Variants in ADCY2 observed in about 807,000 individuals in gnomAD.
ADCY2 encodes adenylate cyclase type 2.
ADCY2 carries 31 observed loss-of-function variants against 125.2 expected under a neutral mutation model. The observed-to-expected ratio is 0.25, with a 90% confidence interval of 0.19 to 0.33. The LOEUF (loss-of-function observed/expected upper bound fraction) is 0.33, where lower values mean the gene tolerates loss of function less well. Among genes scored for constraint, ADCY2 ranks in the 10% least tolerant of loss-of-function variants. ADCY2 has a pLI of 1.00. For synonymous variants in ADCY2, 512 were observed against 548.4 expected, an observed-to-expected ratio of 0.93 and a Z score of 0.93; for missense variants, 904 against 1,418.2, an observed-to-expected ratio of 0.64 and a Z score of 5.82.
chr5:7,573,693 G>A (rs534231568), intron 3 of ADCY2, among the ~76,000 whole-genome samples: 40 of 150,300 alleles, frequency 2.7e-4, no homozygotes, highest in Admixed American at 4.6e-4. Context: ...GGTCCCGAGC[G>A]GGTAGCAAGA....
At chr5:7,525,185 T>G (rs1490539189) in intron 3 of ADCY2, among the ~76,000 whole-genome samples, 1 of 152,114 alleles carries the variant, frequency 6.6e-6, no homozygotes, top group Non-Finnish European at 1.5e-5. Context: ...TTTTTGTATT[T>G]TAGTGGAGAC....
intron 4 of ADCY2, among the ~76,000 whole-genome samples, chr5:7,687,542 C>T (rs1425386823): frequency 3.9e-5 from 6 of 152,192 alleles, no homozygotes; most frequent in African/African-American, 1.4e-4. Flanking sequence ...GGGAAGTTAG[C>T]TCATGAAAGG....
chr5:7,414,716 T>C lies in ADCY2; in HGVS notation c.354T>C (p.Val118=). 6.2e-7 allele frequency: 1 copy of C among 1,613,922 alleles called. No homozygotes were observed. The change falls in exon 2 of 25, where the codon GTT becomes GTC. Residue 118 remains valine (V), a synonymous_variant. Transcript: ENST00000338316. ...LFSLVIWICL[V]AMGYLFMCFG... is the part of the protein sequence containing the mutation. Reference sequence around the variant, plus strand: ...CGTTGGTGATATGGATATGCCTTGTTGCCATGGGATACCTGTTCATGTGTT... The same window carrying C: ...CGTTGGTGATATGGATATGCCTTGTCGCCATGGGATACCTGTTCATGTGTT...
chr5:7,644,136 A>C (rs1216413559), intron 4 of ADCY2, among the ~76,000 whole-genome samples: 4 of 152,036 alleles, frequency 2.6e-5, no homozygotes, highest in African/African-American at 9.7e-5. Flanking sequence ...TCACCACTAA[A>C]TTTCTTGAAA....
At chr5:7,619,793 A>T (rs1489932283) in intron 3 of ADCY2, among the ~76,000 whole-genome samples, 1 of 152,158 alleles carries the variant, frequency 6.6e-6, no homozygotes, top group Non-Finnish European at 1.5e-5. Flanking sequence ...TCTTCTATGG[A>T]GCCCTGAGTA....
At chr5:7,466,417 C>T (rs1056542499) in intron 2 of ADCY2, among the ~76,000 whole-genome samples, 8 of 152,174 alleles carry the variant, frequency 5.3e-5, no homozygotes, top group Non-Finnish European at 1.2e-4. Flanking sequence ...TTCAGCAGCT[C>T]TAGTGAGAAA....
intron 13 of ADCY2, among the ~76,000 whole-genome samples, chr5:7,726,403 A>G (rs1225093973): frequency 6.6e-6 from 1 of 152,164 alleles, no homozygotes; most frequent in Non-Finnish European, 1.5e-5. Context: ...AGTACAGGGA[A>G]AGCAGGGAAT....
At chr5:7,640,471 C>T (rs887222995) in intron 4 of ADCY2, among the ~76,000 whole-genome samples, 2 of 152,060 alleles carry the variant, frequency 1.3e-5, no homozygotes, top group African/African-American at 4.8e-5. Context: ...CATCAGCTGA[C>T]AGAAATGAAC....
rs866989589 is a variant in ADCY2, at chr5:7,672,645, G to A, written c.721-18046G>A. Among the ~76,000 whole-genome samples the A allele has an allele frequency of 1.2e-4, 18 of 152,152 alleles. 1 individual carries two copies. Among genetic ancestry groups the A allele is most frequent in the African/African-American group, 4.3e-4 (18 of 41,434 alleles). The stretch of plus-strand genomic sequence containing the variant: ...CTCCCGAGTAGCTGGGATTACAGGT[G>A]TGAGCTACCACTTCTGGCTGATGTT... On this transcript the variant is annotated intron_variant, in intron 4 of 24. Transcript: ENST00000338316.
intron 13 of ADCY2, among the ~76,000 whole-genome samples, chr5:7,725,615 T>G (rs548602180): frequency 2.6e-5 from 4 of 152,334 alleles, no homozygotes; most frequent in African/African-American, 9.6e-5. Flanking sequence ...CAAATATTAA[T>G]GGCTACTTAT....
At chr5:7,599,971 G>A (rs1188095639) in intron 3 of ADCY2, among the ~76,000 whole-genome samples, 2 of 152,166 alleles carry the variant, frequency 1.3e-5, no homozygotes, top group Non-Finnish European at 2.9e-5. Context: ...AGGGTGGAAA[G>A]GGAGGAAGGA....
chr5:7,501,646 T>TTCCCCC (rs1743584514), intron 2 of ADCY2, among the ~76,000 whole-genome samples: 1 of 40,526 alleles, frequency 2.5e-5, no homozygotes, highest in African/African-American at 9.9e-5. Flanking sequence ...GATTCCCCCC[T>TTCCCCC]CCCCCCCCCC....
At chr5:7,773,462 T>C (rs143733593) in intron 18 of ADCY2, among the ~76,000 whole-genome samples, 95 of 152,300 alleles carry the variant, frequency 6.2e-4, no homozygotes, top group African/African-American at 2.2e-3. Context: ...GGGTGTTTAG[T>C]GACATCCCTG....
intron 4 of ADCY2, chr5:7,684,978 T>G (rs1255345412): frequency 6.6e-6 from 1 of 152,210 alleles, no homozygotes; most frequent in African/African-American, 2.4e-5. Flanking sequence ...GCAGGCTGAC[T>G]TTCCCTCTGC....
chr5:7,650,697 G>T lies in ADCY2; in HGVS notation c.720+24381G>T, dbSNP rs191683485. On this transcript the variant is annotated intron_variant, in intron 4 of 24. Transcript: ENST00000338316. ...CTGTTTTTCTAAATGAAATAATGAG[G>T]ACAGAGTGTGAACTGTGATTTTCTC... Among the ~76,000 whole-genome samples, 8 of 152,184 alleles carry T rather than the reference G, an allele frequency of 5.3e-5. No homozygotes were observed. In the East Asian group the frequency reaches 1.5e-3, roughly 29 times the overall value.
chr5:7,657,031 T>C (rs773648150), intron 4 of ADCY2, among the ~76,000 whole-genome samples: 1 of 152,226 alleles, frequency 6.6e-6, no homozygotes, highest in Non-Finnish European at 1.5e-5. Context: ...ATTATTCATA[T>C]TGTATAAAAT....
intron 22 of ADCY2, among the ~76,000 whole-genome samples, chr5:7,809,239 T>C (rs1327551848): frequency 1.3e-5 from 2 of 152,200 alleles, no homozygotes; most frequent in African/African-American, 4.8e-5. Context: ...GTCATATCCA[T>C]GGAGGGAAAT....
chr5:7,437,748 T>G (rs539847688), intron 2 of ADCY2, among the ~76,000 whole-genome samples: 2 of 152,342 alleles, frequency 1.3e-5, no homozygotes, highest in Admixed American at 1.3e-4. Flanking sequence ...ACCAATGGGA[T>G]CTAGGCTGCA....
chr5:7,730,846 TC>T (rs1323226487), intron 14 of ADCY2, among the ~76,000 whole-genome samples: 3 of 146,078 alleles, frequency 2.1e-5, no homozygotes, highest in African/African-American at 5.0e-5. Context: ...GGCGGTATTT[TC>T]ACTATATTGT....
Sources: allele counts gnomAD v4.1 joint callset (sites outside exome capture counted in the v4.1 genomes callset), GRCh38; gene constraint gnomAD v4.1.1; transcripts MANE v1.5; gene names NCBI Gene and HGNC (gene_info 2026-07-23, HGNC 2026-07-21).